SOD1: variants seen among roughly 807,000 people sequenced by gnomAD.
The protein encoded by SOD1 is superoxide dismutase [Cu-Zn].
SOD1 carries 8 observed loss-of-function variants against 15.9 expected under a neutral mutation model. That is an observed-to-expected ratio of 0.50 (90% CI 0.30 to 0.91). The LOEUF (loss-of-function observed/expected upper bound fraction) is 0.91. Among genes scored for constraint, SOD1 ranks in the 40% least tolerant of loss-of-function variants. SOD1 has a pLI of 0.07. For missense variants in SOD1, 137 were observed against 194.5 expected (o/e 0.70, Z 1.76); for synonymous variants, 86 against 71.2 (o/e 1.21, Z -1.04).
At chr21:31,665,937 A>G (rs1601157331) in intron 2 of SOD1, among the ~76,000 whole-genome samples, 1 of 151,622 alleles carries the variant, frequency 6.6e-6, no homozygotes, top group African/African-American at 2.4e-5. Context: ...TGTTAACTTT[A>G]CAAGTGTCAG....
At chr21:31,667,422 G>A (rs375225231) in intron 4 of SOD1, 47 bp downstream of exon 4, 12 of 1,238,610 alleles carry the variant, frequency 9.7e-6, no homozygotes, top group Admixed American at 5.0e-5. Context: ...CTAACATACA[G>A]TCATGTATCT....
At chr21:31,667,113 G>A in intron 3 of SOD1, 145 bp from the exon 4 acceptor site, 1 of 696,384 alleles carries the variant, frequency 1.4e-6, no homozygotes, top group Non-Finnish European at 2.6e-6. Flanking sequence ...TAGACGTGAA[G>A]CCTTGTTTGA....
At position 31,666,883 on chromosome 21, in the gene SOD1, C is replaced by G. The variant is rs374759511; in HGVS notation, c.239+365C>G. The G allele has an allele frequency of 7.3e-4, 280 of 384,794 alleles. 4 individuals carry two copies. In the South Asian group the frequency reaches 8.2e-3, roughly 11 times the overall value. The allele number at this position is 384,794 out of a possible 1,614,324, so 23.8% of individuals were successfully genotyped here. ...CTGTAGATAAAAAAAAAAATTGATA[C>G]TGAAAACTAGTCGAGACTCCATTTA... On this transcript the variant is annotated intron_variant, in intron 3 of 4. Coordinates refer to ENST00000270142, the MANE Select transcript of SOD1 (RefSeq NM_000454.5).
Position 31,668,615 on chromosome 21 carries a change from ATC to A in SOD1, c.*39_*40del, listed in dbSNP as rs759276021. ...GATGTAGTCTGAGGCCCCTTAACTC[ATC>A]TGTTATCCTGCTAGCTGTAGAAATG... On this transcript the variant is annotated 3_prime_UTR_variant, in exon 5 of 5. Coordinates refer to ENST00000270142, the MANE Select transcript of SOD1 (RefSeq NM_000454.5). 1 of 1,374,644 alleles carries A rather than the reference ATC, an allele frequency of 7.3e-7. No homozygotes were observed. The highest frequency in any genetic ancestry group is 1.2e-5 in the South Asian group (1 of 86,334). 85.2% of individuals were successfully genotyped at this position (1,374,644 alleles called of 1,614,324 possible).
Position 31,659,725 on chromosome 21 carries a change from C to T in SOD1, c.-45C>T, listed in dbSNP as rs200447364. 6.4e-5 allele frequency: 103 copies of T among 1,604,420 alleles called. No individual in the cohort carries two copies. The highest frequency in any genetic ancestry group is 4.9e-4 in the Middle Eastern group (3 of 6,064). ...AGTCTCCTGCAGCGTCTGGGGTTTC[C>T]GTTGCAGTCCTCGGAACCAGGACCT... is the stretch of plus-strand genomic sequence containing the variant. On this transcript the variant is annotated 5_prime_UTR_variant, in exon 1 of 5. Transcript: ENST00000270142.
chr21:31,668,386 G>T (rs2049616753), intron 4 of SOD1, 85 bp from the exon 5 acceptor site: 1 of 857,632 alleles, frequency 1.2e-6, no homozygotes. Flanking sequence ...AATATTATGA[G>T]GTTCTTAAAC....
chr21:31,660,787 A>G (rs17881051), intron 1 of SOD1: 55 of 152,354 alleles, frequency 3.6e-4, no homozygotes, highest in African/African-American at 1.3e-3. Flanking sequence ...GTTTGAGGAC[A>G]GTGGGTGGAG....
At chr21:31,660,729 A>G (rs1466838685) in intron 1 of SOD1, 6 of 152,198 alleles carry the variant, frequency 3.9e-5, no homozygotes, top group African/African-American at 9.7e-5. Context: ...CTGTTTTTTG[A>G]AAGTTTCCAA....
intron 1 of SOD1, among the ~76,000 whole-genome samples, chr21:31,662,146 T>A (rs2123430296): frequency 6.6e-6 from 1 of 152,366 alleles, no homozygotes; most frequent in East Asian, 1.9e-4. Flanking sequence ...TACTTAGATG[T>A]CCTGAATGTA....
intron 2 of SOD1, among the ~76,000 whole-genome samples, chr21:31,666,167 T>C (rs1196259391): frequency 6.6e-6 from 1 of 151,890 alleles, no homozygotes; most frequent in East Asian, 1.9e-4. Flanking sequence ...AGAGACAGGG[T>C]TTTGCTATGC....
intron 1 of SOD1, among the ~76,000 whole-genome samples, chr21:31,663,152 T>G: frequency 6.8e-6 from 1 of 147,766 alleles, no homozygotes; most frequent in Admixed American, 6.8e-5. Flanking sequence ...GTCAAGTGAG[T>G]ATGCCATATG....
At chr21:31,667,220 C>T (rs1373795205) in intron 3 of SOD1, 38 bp from the exon 4 acceptor site, 2 of 1,478,894 alleles carry the variant, frequency 1.4e-6, no homozygotes, top group African/African-American at 2.8e-5. Flanking sequence ...TGTTTAGTGG[C>T]ATCAGCCCTA....
intron 2 of SOD1, among the ~76,000 whole-genome samples, chr21:31,665,554 G>C (rs2049585741): frequency 6.6e-6 from 1 of 152,160 alleles, no homozygotes; most frequent in Admixed American, 6.5e-5. Context: ...CTGCGGGTGA[G>C]AGCGTGGCTG....
Position 31,668,505 on chromosome 21 carries a change from G to A in SOD1, c.392G>A (p.Gly131Glu), listed in dbSNP as rs1169621300. ...AAAGCAGATGACTTGGGCAAAGGTGGAAATGAAGAAAGTACAAAGACAGGA... is the reference window on the plus strand; with the variant it reads ...AAAGCAGATGACTTGGGCAAAGGTGAAAATGAAGAAAGTACAAAGACAGGA... ...HEKADDLGKG[G>E]NEESTKTGNA... Residue 131 changes from glycine (G) to glutamate (E), a missense_variant, in exon 5 of 5, where the codon GGA (glycine) becomes GAA (glutamate). Physicochemically the swap from Gly to Glu is moderately conservative, Grantham distance 98 (BLOSUM62 -2). Coordinates refer to ENST00000270142, the MANE Select transcript of SOD1 (RefSeq NM_000454.5). The A allele has an allele frequency of 4.3e-6, 7 of 1,613,826 alleles. No homozygotes were observed. Among genetic ancestry groups the A allele is most frequent in the Non-Finnish European group, 5.9e-6 (7 of 1,179,862 alleles).
intron 1 of SOD1, chr21:31,660,486 C>T (rs1387591002): frequency 6.6e-6 from 1 of 152,360 alleles, no homozygotes; most frequent in East Asian, 1.9e-4. Context: ...GGCCTCTGTT[C>T]TAGGTCATGA....
rs1353071317 is a variant in SOD1, at chr21:31,666,444, A to C, written c.170-5A>C. ...TTAGCTTTTTTTTCTTCTTCTTATA[A>C]ATAGGCTGTACCAGTGCAGGTCCTC... On this transcript the variant is annotated splice_region_variant and splice_polypyrimidine_tract_variant and intron_variant, in intron 2 of 4. Coordinates refer to ENST00000270142, the MANE Select transcript of SOD1 (RefSeq NM_000454.5). The C allele has an allele frequency of 3.1e-6, 5 of 1,606,430 alleles. No homozygotes were observed. Among genetic ancestry groups the C allele is most frequent in the Non-Finnish European group, 4.3e-6 (5 of 1,173,520 alleles).
chr21:31,662,607 A>G (rs2049557480), intron 1 of SOD1, among the ~76,000 whole-genome samples: 1 of 152,182 alleles, frequency 6.6e-6, no homozygotes, highest in Non-Finnish European at 1.5e-5. Context: ...TGGAAAGGTT[A>G]CCTAGGTTTC....
rs2049624134 is a variant in SOD1 at position 31,668,841 on chromosome 21, G to C, written c.*263G>C. Reference sequence around the variant, plus strand: ...TAAATCACAGATGGGTATTAAACTTGTCAGAATTTCTTTGTCATTCAAGCC... The same window carrying C: ...TAAATCACAGATGGGTATTAAACTTCTCAGAATTTCTTTGTCATTCAAGCC... On this transcript the variant is annotated 3_prime_UTR_variant, in exon 5 of 5. Coordinates refer to ENST00000270142, the MANE Select transcript of SOD1 (RefSeq NM_000454.5). 1 of 423,610 alleles carries C rather than the reference G, an allele frequency of 2.4e-6. No individual in the cohort carries two copies. Among genetic ancestry groups the C allele is most frequent in the Admixed American group, 3.8e-5 (1 of 26,090 alleles). 26.2% of individuals were successfully genotyped at this position (423,610 alleles called of 1,614,324 possible).
At chr21:31,668,341 G>A in intron 4 of SOD1, 130 bp from the exon 5 acceptor site, 1 of 697,714 alleles carries the variant, frequency 1.4e-6, no homozygotes. Flanking sequence ...CTAAATATTA[G>A]TATATCTCTC....
Sources: gnomAD v4.1 joint callset for allele counts (sites outside exome capture counted in the v4.1 genomes callset) on GRCh38, gnomAD v4.1.1 for gene constraint, MANE v1.5 for transcripts, NCBI Gene and HGNC (gene_info 2026-07-23, HGNC 2026-07-21) for gene names.